PRKN: variants seen among roughly 807,000 people sequenced by gnomAD.
PRKN encodes the protein parkin RBR E3 ubiquitin protein ligase.
In PRKN, 56 loss-of-function variants were observed where a neutral mutation model predicts 59.5. The observed-to-expected ratio is 0.94, with a 90% CI of 0.76 to 1.18. The LOEUF is 1.18. Among genes scored for constraint, PRKN ranks in the 50% most tolerant of loss-of-function variants. The probability of loss-of-function intolerance (pLI) is 0.00; values close to 1 mark genes in which losing one functional copy is unlikely to be tolerated. For synonymous variants in PRKN, 250 were observed against 222.1 expected, an observed-to-expected ratio of 1.13 and a Z score of -1.12; for missense variants, 657 against 596.4, an observed-to-expected ratio of 1.10 and a Z score of -1.06.
chr6:162,199,156 C>A (rs1784618185), intron 4 of PRKN, among the ~76,000 whole-genome samples: 2 of 151,912 alleles, frequency 1.3e-5, no homozygotes, highest in African/African-American at 4.8e-5. Context: ...CTTCTCATCA[C>A]CTGAGTGATC....
At chr6:161,450,990 C>G (rs1789718610) in intron 9 of PRKN, among the ~76,000 whole-genome samples, 1 of 152,116 alleles carries the variant, frequency 6.6e-6, no homozygotes, top group South Asian at 2.1e-4. Flanking sequence ...ATATGAAAGT[C>G]AAACACTTTT....
At chr6:161,933,535 T>G (rs983408000) in intron 6 of PRKN, among the ~76,000 whole-genome samples, 1 of 152,200 alleles carries the variant, frequency 6.6e-6, no homozygotes, top group African/African-American at 2.4e-5. Flanking sequence ...ACTCCGTAGC[T>G]TAGTATTGTT....
chr6:162,487,393 G>A (rs555134377), intron 1 of PRKN, among the ~76,000 whole-genome samples: 69 of 152,310 alleles, frequency 4.5e-4, no homozygotes, highest in South Asian at 1.0e-3. Flanking sequence ...TTCTGAGGCT[G>A]TGTGTATCTC....
At chr6:162,249,130 G>T (rs1413702510) in intron 3 of PRKN, among the ~76,000 whole-genome samples, 1 of 152,114 alleles carries the variant, frequency 6.6e-6, no homozygotes, top group African/African-American at 2.4e-5. Flanking sequence ...AGCCCGCCTT[G>T]GCCTCCCAAA....
At chr6:161,857,571 T>C (rs1018202896) in intron 6 of PRKN, among the ~76,000 whole-genome samples, 1 of 152,078 alleles carries the variant, frequency 6.6e-6, no homozygotes, top group Non-Finnish European at 1.5e-5. Flanking sequence ...CATTGGGGTA[T>C]GTGTATGGGT....
chr6:161,764,135 T>A (rs897672593), intron 7 of PRKN, among the ~76,000 whole-genome samples: 10 of 152,198 alleles, frequency 6.6e-5, no homozygotes, highest in African/African-American at 2.4e-4. Flanking sequence ...CTCTCTCCTG[T>A]CTCAAGGTTT....
chr6:161,828,922 T>G lies in PRKN; in HGVS notation c.735-43014A>C, dbSNP rs549460248. ...TCTAGTCTGGAAAACAAAGTGAGACTCCATCTCAAAAAAAAAAAAAAGAGC... is the reference window on the plus strand; with the variant it reads ...TCTAGTCTGGAAAACAAAGTGAGACGCCATCTCAAAAAAAAAAAAAAGAGC... On this transcript the variant is annotated intron_variant, in intron 6 of 11. Transcript: ENST00000366898. Among the ~76,000 whole-genome samples the G allele has an allele frequency of 1.5e-4, 20 of 133,630 alleles. No individual in the cohort carries two copies. The East Asian group carries it at 4.4e-3, about 29-fold the overall frequency. The allele number at this position is 133,630 out of a possible 152,430, so 87.7% of individuals were successfully genotyped here.
chr6:161,412,631 G>A (rs1174402094), intron 9 of PRKN, among the ~76,000 whole-genome samples: 6 of 96,374 alleles, frequency 6.2e-5, no homozygotes, highest in African/African-American at 8.4e-5. Context: ...CTCATTCCTC[G>A]GCTCACTCAT....
At position 161,386,795 on chromosome 6, in the gene PRKN, T is replaced by C; in HGVS notation, c.1166A>G (p.Gln389Arg). The C allele has an allele frequency of 1.9e-6, 3 of 1,609,198 alleles. No homozygotes were observed. The highest frequency in any genetic ancestry group is 1.3e-5 in the African/African-American group (1 of 74,924). ...AVFEASGTTT[Q>R]AYRVDERAAE... is the part of the protein sequence containing the mutation. Reference sequence around the variant, plus strand: ...AGGAATGAGTAGGGCATTCTGTACCTGAGTAGTTGTTCCTGAGGCTTCAAA... The same window carrying C: ...AGGAATGAGTAGGGCATTCTGTACCCGAGTAGTTGTTCCTGAGGCTTCAAA... The change falls in exon 10 of 12, where the codon CAG (glutamine) becomes CGG (arginine). Residue 389 changes from glutamine (Q) to arginine (R), a missense_variant and splice_region_variant. By Grantham distance (43) the Gln-to-Arg change is conservative. Transcript: ENST00000366898. This position sits in a 1 kb window ranked among gnomAD's most constrained non-coding sequence, Gnocchi z 4.3.
intron 2 of PRKN, among the ~76,000 whole-genome samples, chr6:162,386,672 G>A (rs747023536): frequency 4.6e-5 from 7 of 152,332 alleles, no homozygotes; most frequent in East Asian, 1.9e-4. Flanking sequence ...TGAAATATGC[G>A]TGTACGTACG....
chr6:162,509,751 T>C (rs1444436236), intron 1 of PRKN, among the ~76,000 whole-genome samples: 1 of 152,230 alleles, frequency 6.6e-6, no homozygotes, highest in Non-Finnish European at 1.5e-5. Context: ...TTAGTTGTTT[T>C]ATTACATCGT....
At position 161,410,208 on chromosome 6, in the gene PRKN, G is replaced by T. The variant is rs7757859; in HGVS notation, c.1084-23331C>A. ...GCAGGTGGGTGGCCAGGAATCTGAA[G>T]GAGAGTGAACATGAGTGAGAGTACG... On this transcript the variant is annotated intron_variant, in intron 9 of 11. Transcript: ENST00000366898. This position sits in a 1 kb window ranked among gnomAD's most constrained non-coding sequence, Gnocchi z 5.3. Among the ~76,000 whole-genome samples, 151,604 of 152,210 alleles carry T rather than the reference G, an allele frequency of 1. 75,501 individuals carry two copies. The highest frequency in any genetic ancestry group is 1 in the Middle Eastern group (294 of 294).
intron 5 of PRKN, among the ~76,000 whole-genome samples, chr6:161,996,317 T>C (rs1781840722): frequency 6.6e-6 from 1 of 152,172 alleles, no homozygotes; most frequent in South Asian, 2.1e-4. Flanking sequence ...CTTTCCAAAG[T>C]CAAAGGTGAA....
rs1248512835 is a variant in PRKN, at chr6:161,463,999, G to A, written c.1084-77122C>T. Among the ~76,000 whole-genome samples, 1 of 152,004 alleles carries A rather than the reference G, an allele frequency of 6.6e-6. No individual in the cohort carries two copies. The highest frequency in any genetic ancestry group is 2.1e-4 in the South Asian group (1 of 4,822). ...TTTTTTGAGAAGGAGTTTCGCTCTT[G>A]TTGCCCAGGCTGAAGTGCAATGGTG... On this transcript the variant is annotated intron_variant, in intron 9 of 11. Transcript: ENST00000366898. This position sits in a 1 kb window ranked among gnomAD's most constrained non-coding sequence, Gnocchi z 4.8.
intron 1 of PRKN, among the ~76,000 whole-genome samples, chr6:162,588,159 T>C (rs1206054033): frequency 1.3e-5 from 2 of 151,738 alleles, no homozygotes; most frequent in African/African-American, 4.8e-5. Context: ...TATAGGTGCA[T>C]GCCGCCATCC....
chr6:162,428,733 A>G (rs1488872082), intron 2 of PRKN, among the ~76,000 whole-genome samples: 1 of 152,208 alleles, frequency 6.6e-6, no homozygotes, highest in Non-Finnish European at 1.5e-5. Context: ...TACAACGTCT[A>G]GTACCCTAGC....
In PRKN at chr6:161,538,812, A is replaced by G. The variant is rs141861396; in HGVS notation, c.1083+10042T>C. Among the ~76,000 whole-genome samples the G allele has an allele frequency of 1.3e-5, 2 of 152,290 alleles. No homozygotes were observed. The highest frequency in any genetic ancestry group is 4.8e-5 in the African/African-American group (2 of 41,566). ...AGAGATTTGATTGAATAACTGATCGACTTAGCCTTTCCCAGTGGAATGTTG... is the reference window on the plus strand; with the variant it reads ...AGAGATTTGATTGAATAACTGATCGGCTTAGCCTTTCCCAGTGGAATGTTG... On this transcript the variant is annotated intron_variant, in intron 9 of 11. Coordinates refer to ENST00000366898, the MANE Select transcript of PRKN (RefSeq NM_004562.3). The surrounding 1 kb of genome is among the most constrained non-coding windows in gnomAD (Gnocchi z 4.2).
intron 4 of PRKN, among the ~76,000 whole-genome samples, chr6:162,162,453 T>C (rs984710346): frequency 1.3e-5 from 2 of 152,098 alleles, no homozygotes; most frequent in African/African-American, 4.8e-5. Flanking sequence ...ACTGTTTGTA[T>C]TGGGTTTGGT....
At chr6:162,221,814 T>C (rs1443820871) in intron 3 of PRKN, among the ~76,000 whole-genome samples, 1 of 152,210 alleles carries the variant, frequency 6.6e-6, no homozygotes, top group Non-Finnish European at 1.5e-5. Context: ...TGTCAGATGA[T>C]AAATCTTTGC....
Sources: allele counts gnomAD v4.1 joint callset (sites outside exome capture counted in the v4.1 genomes callset), GRCh38; gene constraint gnomAD v4.1.1; non-coding constraint Gnocchi (gnomAD v3.1); transcripts MANE v1.5; gene names NCBI Gene and HGNC (gene_info 2026-07-23, HGNC 2026-07-21).